PDE10A: variants seen among roughly 807,000 people sequenced by gnomAD.
The protein encoded by PDE10A is phosphodiesterase 10A.
PDE10A carries 39 observed loss-of-function variants against 97.7 expected under a neutral mutation model. The ratio of observed to expected loss-of-function variants is 0.40; its 90% CI spans 0.31 to 0.52. The LOEUF (loss-of-function observed/expected upper bound fraction) is 0.52, where lower values mean the gene tolerates loss of function less well. PDE10A is among the 20% of genes least tolerant of loss of function. PDE10A has a pLI of 0.56. For synonymous variants in PDE10A, 371 were observed against 376.8 expected, an observed-to-expected ratio of 0.98 and a Z score of 0.18; for missense variants, 731 against 1,047.8, an observed-to-expected ratio of 0.70 and a Z score of 4.17.
In PDE10A at chr6:165,774,009, TA is replaced by T. The variant is rs201964114; in HGVS notation, c.-615+213519del. Among the ~76,000 whole-genome samples the T allele has an allele frequency of 8.2e-3, 1,247 of 152,202 alleles. 45 individuals are homozygous for T. The East Asian group carries it at 0.12, about 14-fold the overall frequency. On this transcript the variant is annotated intron_variant, in intron 1 of 19. Coordinates refer to the PDE10A transcript ENST00000366882. ...AGACTTCCATCAAAACTTTTCAATTTAAAAAAGATCTGACATTTCAATTGTC... is the reference window on the plus strand; with the variant it reads ...AGACTTCCATCAAAACTTTTCAATTTAAAAAGATCTGACATTTCAATTGTC...
rs147197753 is a variant in PDE10A at position 165,962,743 on chromosome 6, C to A, written c.-615+24786G>T. Among the ~76,000 whole-genome samples, 933 of 152,298 alleles carry A rather than the reference C, an allele frequency of 6.1e-3. 11 individuals carry two copies. Among genetic ancestry groups the A allele is most frequent in the Non-Finnish European group, 0.011 (728 of 68,022 alleles). Reference sequence around the variant, plus strand: ...GAAAGATTAACTGTCCTCATTATGACCTTTATAAATTCTGGTTCATAAAAC... The same window carrying A: ...GAAAGATTAACTGTCCTCATTATGAACTTTATAAATTCTGGTTCATAAAAC... On this transcript the variant is annotated intron_variant, in intron 1 of 19. Coordinates refer to the PDE10A transcript ENST00000366882.
At chr6:165,787,324 G>C (rs1778523476) in intron 1 of PDE10A, among the ~76,000 whole-genome samples, 1 of 152,172 alleles carries the variant, frequency 6.6e-6, no homozygotes, top group South Asian at 2.1e-4. Context: ...ATGTTTTCCA[G>C]CATGAAGAAC....
chr6:165,796,244 C>T (rs1342189883), intron 1 of PDE10A, among the ~76,000 whole-genome samples: 1 of 151,838 alleles, frequency 6.6e-6, no homozygotes, highest in African/African-American at 2.4e-5. Context: ...TACAGGCGCC[C>T]GCCACCACGC....
chr6:165,484,461 G>A (rs989718423), intron 2 of PDE10A, among the ~76,000 whole-genome samples: 8 of 152,192 alleles, frequency 5.3e-5, no homozygotes, highest in African/African-American at 1.2e-4. Flanking sequence ...CTCATAGAGC[G>A]CAAACCCTAC....
At chr6:165,615,740 T>C (rs1409873168) in intron 1 of PDE10A, among the ~76,000 whole-genome samples, 1 of 152,232 alleles carries the variant, frequency 6.6e-6, no homozygotes, top group African/African-American at 2.4e-5. Flanking sequence ...TTACTGAAAT[T>C]CGCATGTCTT....
At position 165,526,569 on chromosome 6, in the gene PDE10A, G is replaced by A. The variant is rs959772063; in HGVS notation, c.994+16871C>T. ...TGCCACCATCAAGGACTTGAAAGAC[G>A]AGGGGTGGTGATTCCCACCACATCC... On this transcript the variant is annotated intron_variant, in intron 2 of 21. Transcript: ENST00000539869. Among the ~76,000 whole-genome samples the A allele has an allele frequency of 3.9e-5, 6 of 152,174 alleles. No homozygotes were observed. The East Asian group carries it at 5.8e-4, about 15-fold the overall frequency.
chr6:165,543,392 G>A lies in PDE10A; in HGVS notation c.994+48C>T, dbSNP rs62443817. The A allele has an allele frequency of 2.1e-3, 3,272 of 1,555,690 alleles. 3 individuals carry two copies. Among genetic ancestry groups the A allele is most frequent in the South Asian group, 3.4e-3 (288 of 83,730 alleles). ...TATATTAAATGCTTAGTCTTTTGCC[G>A]TAAGATAGAAAAAGCTGGTTTAAAA... On this transcript the variant is annotated intron_variant, in intron 2 of 21. Transcript: ENST00000539869.
intron 1 of PDE10A, among the ~76,000 whole-genome samples, chr6:165,803,774 T>G (rs887828387): frequency 6.6e-6 from 1 of 152,248 alleles, no homozygotes; most frequent in East Asian, 1.9e-4. Context: ...GGAGGAGATG[T>G]GTACCCAACC....
intron 1 of PDE10A, among the ~76,000 whole-genome samples, chr6:165,858,759 G>C (rs1398043339): frequency 2.6e-5 from 4 of 152,170 alleles, no homozygotes; most frequent in African/African-American, 9.7e-5. Context: ...TAAGGAAGAT[G>C]CTCCTCCTTG....
intron 1 of PDE10A, among the ~76,000 whole-genome samples, chr6:165,884,915 G>A (rs1412231861): frequency 2.0e-5 from 3 of 152,196 alleles, no homozygotes; most frequent in Non-Finnish European, 2.9e-5. Flanking sequence ...CACAGAGGGA[G>A]GGAAGAAGGG....
chr6:165,377,259 A>G (rs1719222560), intron 18 of PDE10A, among the ~76,000 whole-genome samples: 1 of 152,162 alleles, frequency 6.6e-6, no homozygotes, highest in African/African-American at 2.4e-5. Flanking sequence ...TACTGTATGC[A>G]CACACGCACA....
intron 1 of PDE10A, among the ~76,000 whole-genome samples, chr6:165,874,667 G>A (rs990840081): frequency 1.3e-5 from 2 of 152,124 alleles, no homozygotes. Context: ...GCAAATCTCT[G>A]CACAGTTCAA....
At chr6:165,683,188 C>A (rs1018885606) in intron 1 of PDE10A, among the ~76,000 whole-genome samples, 1 of 152,138 alleles carries the variant, frequency 6.6e-6, no homozygotes, top group Non-Finnish European at 1.5e-5. Context: ...AAGGGATTAC[C>A]TTACAGAGGC....
At chr6:165,858,461 C>A (rs1241662513) in intron 1 of PDE10A, among the ~76,000 whole-genome samples, 2 of 152,198 alleles carry the variant, frequency 1.3e-5, no homozygotes, top group Non-Finnish European at 2.9e-5. Flanking sequence ...ATGCCTTCAA[C>A]CAACTGTGAC....
In PDE10A at chr6:165,413,692, G is replaced by A; in HGVS notation, c.1890-5C>T. 2 of 1,604,730 alleles carry A rather than the reference G, an allele frequency of 1.2e-6. No homozygotes were observed. Among genetic ancestry groups the A allele is most frequent in the Non-Finnish European group, 1.7e-6 (2 of 1,174,192 alleles). ...CCTGTGTACAAGTCTACTTCTCTGT[G>A]GGGTGACAGAACCAAAAATAACAAC... On this transcript the variant is annotated splice_polypyrimidine_tract_variant and splice_region_variant and intron_variant, in intron 12 of 21. Transcript: ENST00000539869.
chr6:165,436,659 G>A (rs1444959164), intron 5 of PDE10A, among the ~76,000 whole-genome samples: 2 of 152,034 alleles, frequency 1.3e-5, no homozygotes, highest in Admixed American at 1.3e-4. Flanking sequence ...AAAGAACTAA[G>A]CTATTTAATA....
At chr6:165,625,451 T>C (rs1788338412) in intron 1 of PDE10A, among the ~76,000 whole-genome samples, 1 of 152,124 alleles carries the variant, frequency 6.6e-6, no homozygotes, top group Non-Finnish European at 1.5e-5. Context: ...GGAAGAATAG[T>C]GATGTCATTT....
intron 1 of PDE10A, among the ~76,000 whole-genome samples, chr6:165,680,762 G>A (rs1790953382): frequency 6.6e-6 from 1 of 152,220 alleles, no homozygotes; most frequent in African/African-American, 2.4e-5. Context: ...AAATTAGCCG[G>A]GTGTGGTGGC....
intron 1 of PDE10A, among the ~76,000 whole-genome samples, chr6:165,792,338 G>C (rs1034422885): frequency 2.0e-5 from 3 of 152,200 alleles, no homozygotes; most frequent in Admixed American, 2.0e-4. Context: ...AGCATCTCCT[G>C]TAAGGGAGCG....
Sources: gnomAD v4.1 joint callset for allele counts (sites outside exome capture counted in the v4.1 genomes callset) on GRCh38, gnomAD v4.1.1 for gene constraint, MANE v1.5 for transcripts, NCBI Gene and HGNC (gene_info 2026-07-23, HGNC 2026-07-21) for gene names.